Variants in KCTD16 observed in about 807,000 individuals in gnomAD.
The protein encoded by KCTD16 is potassium channel tetramerization domain containing 16.
KCTD16 carries 13 observed loss-of-function variants against 33.2 expected under a neutral mutation model. The observed-to-expected ratio is 0.39, with a 90% CI of 0.25 to 0.62. KCTD16 has a LOEUF of 0.62. Ranked by LOEUF, KCTD16 falls within the 20% of genes least tolerant of loss-of-function variation. KCTD16 has a pLI of 0.50. For missense variants in KCTD16, 441 were observed against 525.1 expected (o/e 0.84, Z 1.57); for synonymous variants, 197 against 195.3 (o/e 1.01, Z -0.07).
chr5:144,201,380 G>A (rs7706083), intron 2 of KCTD16, among the ~76,000 whole-genome samples: 1 of 151,944 alleles, frequency 6.6e-6, no homozygotes, highest in African/African-American at 2.4e-5. Flanking sequence ...AAGCAATGGT[G>A]TTAACCTGAA....
chr5:144,452,165 T>TATATATATATATATATATATATA (rs1561613198), intron 3 of KCTD16, among the ~76,000 whole-genome samples: 7 of 148,278 alleles, frequency 4.7e-5, no homozygotes, highest in African/African-American at 1.8e-4. Flanking sequence ...TATATATATA[T>TATATATATATATATATATATATA]TCCTGTCACT....
chr5:144,261,170 A>C (rs988847832), intron 3 of KCTD16, among the ~76,000 whole-genome samples: 4 of 146,308 alleles, frequency 2.7e-5, no homozygotes, highest in South Asian at 2.1e-4. Flanking sequence ...ACAACAACAA[A>C]AAAAAAAAAA....
intron 3 of KCTD16, among the ~76,000 whole-genome samples, chr5:144,248,888 C>G (rs1228578859): frequency 6.6e-6 from 1 of 152,122 alleles, no homozygotes; most frequent in Non-Finnish European, 1.5e-5. Flanking sequence ...ATGGAAGAAT[C>G]TTTCAAAGGT....
At chr5:144,457,758 T>TA (rs1345717306) in intron 3 of KCTD16, among the ~76,000 whole-genome samples, 2 of 152,228 alleles carry the variant, frequency 1.3e-5, no homozygotes, top group African/African-American at 2.4e-5. Flanking sequence ...TCATTTGATG[T>TA]AAAGAAACTG....
chr5:144,243,626 G>T (rs10065328), intron 3 of KCTD16, among the ~76,000 whole-genome samples: 5,124 of 152,192 alleles, frequency 0.034, 249 homozygotes, highest in African/African-American at 0.11. Flanking sequence ...CTCCACAGAG[G>T]ATTTATTTTT....
At chr5:144,244,256 G>A (rs150355514) in intron 3 of KCTD16, among the ~76,000 whole-genome samples, 11 of 152,132 alleles carry the variant, frequency 7.2e-5, no homozygotes, top group Admixed American at 2.6e-4. Context: ...TTGGTCAAAT[G>A]ATCTATAAGA....
At chr5:144,339,749 TC>T (rs1200626501) in intron 3 of KCTD16, among the ~76,000 whole-genome samples, 2 of 152,174 alleles carry the variant, frequency 1.3e-5, no homozygotes, top group Non-Finnish European at 2.9e-5. Flanking sequence ...TTTCTTTCCT[TC>T]CACAAATATT....
In KCTD16 at chr5:144,473,648, C is replaced by A; in HGVS notation, c.833-12C>A. On this transcript the variant is annotated splice_polypyrimidine_tract_variant and intron_variant, in intron 3 of 3. Transcript: ENST00000512467. ...TGGCATTAATCCTTTGGGTCCTTTG[C>A]TTTCTTTTCAGGTGAGCCTTCCAGA... 6.3e-7 allele frequency: 1 copy of A among 1,579,918 alleles called. No homozygotes were observed. Among genetic ancestry groups the A allele is most frequent in the Non-Finnish European group, 8.6e-7 (1 of 1,158,232 alleles).
At chr5:144,194,464 T>C (rs1044912547) in intron 2 of KCTD16, among the ~76,000 whole-genome samples, 18 of 152,202 alleles carry the variant, frequency 1.2e-4, no homozygotes, top group Non-Finnish European at 2.4e-4. Context: ...AGAGTAAGGA[T>C]TGGTCAATGT....
intron 3 of KCTD16, among the ~76,000 whole-genome samples, chr5:144,460,406 G>A (rs1754167830): frequency 6.6e-6 from 1 of 151,992 alleles, no homozygotes; most frequent in African/African-American, 2.4e-5. Flanking sequence ...CATATATTCT[G>A]TTTTATTTTC....
intron 3 of KCTD16, among the ~76,000 whole-genome samples, chr5:144,374,627 G>A (rs1752044701): frequency 6.6e-6 from 1 of 152,152 alleles, no homozygotes; most frequent in South Asian, 2.1e-4. Flanking sequence ...GTGTTTTCCT[G>A]TCCCTAGTAG....
chr5:144,316,508 C>CTTTTTTT (rs398050808), intron 3 of KCTD16, among the ~76,000 whole-genome samples: 1 of 119,940 alleles, frequency 8.3e-6, no homozygotes, highest in Non-Finnish European at 1.7e-5. Context: ...TGTTTTTTGT[C>CTTTTTTT]TTTTTTTTTT....
intron 3 of KCTD16, among the ~76,000 whole-genome samples, chr5:144,399,113 G>C (rs1471026957): frequency 1.3e-5 from 2 of 152,068 alleles, no homozygotes; most frequent in African/African-American, 2.4e-5. Context: ...TATGACTCTT[G>C]GTACTAGAAG....
chr5:144,247,360 G>A (rs533523394), intron 3 of KCTD16, among the ~76,000 whole-genome samples: 1 of 152,336 alleles, frequency 6.6e-6, no homozygotes, highest in Non-Finnish European at 1.5e-5. Flanking sequence ...GGCACACAGA[G>A]AGACTACTGG....
intron 3 of KCTD16, among the ~76,000 whole-genome samples, chr5:144,467,063 A>G (rs1754358229): frequency 7.6e-6 from 1 of 130,720 alleles, no homozygotes; most frequent in African/African-American, 2.8e-5. Flanking sequence ...CACTATATGT[A>G]TTATATATAA....
At chr5:144,231,010 G>T (rs892246577) in intron 3 of KCTD16, among the ~76,000 whole-genome samples, 1 of 152,200 alleles carries the variant, frequency 6.6e-6, no homozygotes, top group East Asian at 1.9e-4. Flanking sequence ...GAGCTAAGCA[G>T]AGAGCAGATG....
At chr5:144,336,222 T>A (rs1230004934) in intron 3 of KCTD16, among the ~76,000 whole-genome samples, 1 of 152,210 alleles carries the variant, frequency 6.6e-6, no homozygotes, top group Non-Finnish European at 1.5e-5. Context: ...GGAGCTGGGA[T>A]GCCAATAGGG....
chr5:144,280,574 A>G (rs13155705), intron 3 of KCTD16, among the ~76,000 whole-genome samples: 14,790 of 152,170 alleles, frequency 0.097, 955 homozygotes, highest in Middle Eastern at 0.19. Flanking sequence ...CTGGCTAGAG[A>G]CTTACTAATT....
At chr5:144,428,978 T>C (rs550841759) in intron 3 of KCTD16, among the ~76,000 whole-genome samples, 1 of 152,332 alleles carries the variant, frequency 6.6e-6, no homozygotes, top group South Asian at 2.1e-4. Context: ...TAAAATGTCT[T>C]TTCAAGATTG....
Sources: allele counts gnomAD v4.1 joint callset (sites outside exome capture counted in the v4.1 genomes callset), GRCh38; gene constraint gnomAD v4.1.1; transcripts MANE v1.5; gene names NCBI Gene and HGNC (gene_info 2026-07-23, HGNC 2026-07-21).